OTOGL: variants seen among roughly 807,000 people sequenced by gnomAD.
OTOGL encodes the protein otogelin like.
Under a neutral mutation model 318.5 loss-of-function variants are expected in OTOGL, and 285 were observed. That is an observed-to-expected ratio of 0.89 (90% confidence interval 0.81 to 0.99). The LOEUF (loss-of-function observed/expected upper bound fraction) is 0.99, where lower values mean the gene tolerates loss of function less well. Ranked by LOEUF, OTOGL falls within the 50% of genes least tolerant of loss-of-function variation. The probability of loss-of-function intolerance (pLI) is 0.00; values close to 1 mark genes in which losing one functional copy is unlikely to be tolerated. For missense variants in OTOGL, 2,899 were observed against 2,845.6 expected (o/e 1.02, Z -0.43); for synonymous variants, 987 against 936.5 (o/e 1.05, Z -0.99).
At position 80,179,592 on chromosome 12, in the gene OTOGL, C is replaced by G. The variant is rs570966867; in HGVS notation, c.-19-29821C>G. ...TGTAAGACCTTTAAGGCAAGAGATT[C>G]CCAGGGTTCTTTACCCTAATGGAGG... On this transcript the variant is annotated intron_variant, in intron 1 of 58. Transcript: ENST00000547103. Among the ~76,000 whole-genome samples the G allele has an allele frequency of 1.3e-4, 20 of 152,230 alleles. 1 individual carries two copies. The South Asian group carries it at 3.5e-3, about 27-fold the overall frequency.
At chr12:80,197,361 G>A (rs992947843) in intron 1 of OTOGL, among the ~76,000 whole-genome samples, 3 of 151,988 alleles carry the variant, frequency 2.0e-5, no homozygotes, top group Non-Finnish European at 4.4e-5. Flanking sequence ...CAAGTGGCTG[G>A]GACTACAGGC....
At chr12:80,102,828 C>A in intron 1 of OTOGL, 1 of 662,188 alleles carries the variant, frequency 1.5e-6, no homozygotes, top group Non-Finnish European at 2.7e-6. Flanking sequence ...ACTCTCGGAG[C>A]TCTAGTCATA....
intron 7 of OTOGL, among the ~76,000 whole-genome samples, chr12:80,227,682 C>T (rs1208087321): frequency 3.3e-5 from 5 of 152,114 alleles, no homozygotes; most frequent in South Asian, 2.1e-4. Context: ...TGGCATCAGA[C>T]GCTTGGATTC....
intron 24 of OTOGL, among the ~76,000 whole-genome samples, chr12:80,275,452 A>G (rs991592172): frequency 2.0e-5 from 3 of 151,938 alleles, no homozygotes; most frequent in Non-Finnish European, 4.4e-5. Flanking sequence ...CTTCTTATAG[A>G]TGAGCAAAAA....
chr12:80,297,092 C>T lies in OTOGL; in HGVS notation c.3063+131C>T, dbSNP rs12370762. On this transcript the variant is annotated intron_variant, in intron 27 of 58. Coordinates refer to ENST00000547103, the MANE Select transcript of OTOGL (RefSeq NM_001378609.3). ...TATGTTGTGTTTTGTTTTCATTTTG[C>T]GTGGCTTCAGTACATTGTGCTTGAC... 253,724 of 857,438 alleles carry T rather than the reference C, an allele frequency of 0.3. 39,277 individuals carry two copies. Among genetic ancestry groups the T allele is most frequent in the Middle Eastern group, 0.41 (1,040 of 2,514 alleles). 53.1% of individuals were successfully genotyped at this position (857,438 alleles called of 1,614,324 possible).
chr12:80,205,446 G>C (rs559061882), intron 1 of OTOGL, among the ~76,000 whole-genome samples: 1 of 152,266 alleles, frequency 6.6e-6, no homozygotes, highest in Non-Finnish European at 1.5e-5. Context: ...CACAGATACT[G>C]CTTATGAAAT....
At position 80,261,928 on chromosome 12, in the gene OTOGL, A is replaced by G. The variant is rs761929382; in HGVS notation, c.1890-41A>G. 1.9e-5 allele frequency: 30 copies of G among 1,595,086 alleles called. No individual in the cohort carries two copies. In the Admixed American group the frequency reaches 2.0e-4, roughly 11 times the overall value. ...ATATCTGAAGGTTATGAACAAATGA[A>G]TGAGAGATACATGAAGATGAGCATT... On this transcript the variant is annotated intron_variant, in intron 18 of 58. Coordinates refer to ENST00000547103, the MANE Select transcript of OTOGL (RefSeq NM_001378609.3).
At chr12:80,377,800 G>T in intron 58 of OTOGL, 48 bp from the exon 59 acceptor site, 1 of 1,385,924 alleles carries the variant, frequency 7.2e-7, no homozygotes, top group Non-Finnish European at 1.0e-6. Context: ...ATAATAACCA[G>T]TACTTTTAAA....
intron 10 of OTOGL, 131 bp downstream of exon 10, chr12:80,239,109 C>T: frequency 8.6e-7 from 1 of 1,164,924 alleles, no homozygotes; most frequent in East Asian, 2.8e-5. Context: ...AATGTAATTG[C>T]AATAGGAAAT....
At position 80,367,755 on chromosome 12, in the gene OTOGL, A is replaced by G. The variant is rs1308469179; in HGVS notation, c.6510+16A>G. The G allele has an allele frequency of 1.5e-6, 2 of 1,349,022 alleles. No individual in the cohort carries two copies. Among genetic ancestry groups the G allele is most frequent in the African/African-American group, 1.5e-5 (1 of 65,806 alleles). The allele number at this position is 1,349,022 out of a possible 1,614,324, so 83.6% of individuals were successfully genotyped here. A position where few individuals can be genotyped will look rare whatever the true frequency, so the allele number is the denominator to read the frequency against. ...ATGTGATGTTGTAAGTATTCCTTGTAATTTATTCTGGTGAGAGTTAATGCA... is the reference window on the plus strand; with the variant it reads ...ATGTGATGTTGTAAGTATTCCTTGTGATTTATTCTGGTGAGAGTTAATGCA... On this transcript the variant is annotated intron_variant, in intron 54 of 58. Coordinates refer to ENST00000547103, the MANE Select transcript of OTOGL (RefSeq NM_001378609.3).
At chr12:80,257,680 G>T in intron 17 of OTOGL, 145 bp from the exon 18 acceptor site, 1 of 735,308 alleles carries the variant, frequency 1.4e-6, no homozygotes, top group East Asian at 2.9e-5. Flanking sequence ...GCAAAAATTT[G>T]GCCCTGAAGC....
At chr12:80,138,173 G>A (rs1920407) in intron 1 of OTOGL, among the ~76,000 whole-genome samples, 31,055 of 151,830 alleles carry the variant, frequency 0.2, 3,455 homozygotes, top group Middle Eastern at 0.31. Context: ...CAGAGTATAG[G>A]GGATTCTTAC....
In OTOGL at chr12:80,209,509, A is replaced by G. The variant is rs534321202; in HGVS notation, c.78A>G (p.Gln26=). 2 of 1,462,508 alleles carry G rather than the reference A, an allele frequency of 1.4e-6. No individual in the cohort carries two copies. Among genetic ancestry groups the G allele is most frequent in the Non-Finnish European group, 1.8e-6 (2 of 1,085,292 alleles). 90.6% of individuals were successfully genotyped at this position (1,462,508 alleles called of 1,614,324 possible). A position where few individuals can be genotyped will look rare whatever the true frequency, so the allele number is the denominator to read the frequency against. ...TTCATGTACTGCTGTTTTCATTACA[A>G]GGTAAGAACTCAGATTAAATTTTTA... ...FLLHVLLFSL[Q]EYICASSILM... is the part of the protein sequence containing the mutation. Residue 26 remains glutamine (Q), a splice_region_variant and synonymous_variant, in exon 2 of 59, where the codon CAA becomes CAG. Transcript: ENST00000547103.
intron 29 of OTOGL, among the ~76,000 whole-genome samples, chr12:80,307,573 C>T (rs1273167747): frequency 1.4e-5 from 2 of 145,514 alleles, no homozygotes; most frequent in Non-Finnish European, 3.0e-5. Context: ...GGCTGACCCC[C>T]CAACCTCCCT....
intron 13 of OTOGL, among the ~76,000 whole-genome samples, chr12:80,252,423 A>G (rs1881651997): frequency 6.6e-6 from 1 of 152,198 alleles, no homozygotes; most frequent in Admixed American, 6.5e-5. Flanking sequence ...TGGAATCTAT[A>G]GTCCTGAAGT....
chr12:80,314,234 A>G, intron 31 of OTOGL, 71 bp from the exon 32 acceptor site: 1 of 480,352 alleles, frequency 2.1e-6, no homozygotes, highest in Non-Finnish European at 3.3e-6. Context: ...ATATGTGGCC[A>G]TATCTTGCCC....
chr12:80,303,999 C>A (rs180964393), intron 28 of OTOGL, among the ~76,000 whole-genome samples: 40 of 152,358 alleles, frequency 2.6e-4, no homozygotes, highest in Non-Finnish European at 5.0e-4. Flanking sequence ...ACCTTTACCT[C>A]CTAACCTCAG....
chr12:80,177,049 A>T (rs1874577848), intron 1 of OTOGL, among the ~76,000 whole-genome samples: 1 of 151,940 alleles, frequency 6.6e-6, no homozygotes, highest in Admixed American at 6.6e-5. Context: ...TGAGTTGTAA[A>T]AATTGTTTAT....
intron 26 of OTOGL, among the ~76,000 whole-genome samples, chr12:80,286,005 G>C (rs1231071803): frequency 1.3e-5 from 2 of 152,068 alleles, no homozygotes; most frequent in African/African-American, 4.8e-5. Flanking sequence ...ATTGGCTATG[G>C]GTTTGTCATA....
Sources: allele counts gnomAD v4.1 joint callset (sites outside exome capture counted in the v4.1 genomes callset), GRCh38; gene constraint gnomAD v4.1.1; transcripts MANE v1.5; gene names NCBI Gene and HGNC (gene_info 2026-07-23, HGNC 2026-07-21).